Variants in PRKAR1B observed in about 807,000 individuals in gnomAD.
PRKAR1B encodes the protein cAMP-dependent protein kinase type I-beta regulatory subunit.
A neutral mutation model predicts 46.5 loss-of-function variants in PRKAR1B; 22 were observed. The observed-to-expected ratio is 0.47, with a 90% CI of 0.34 to 0.68. The LOEUF is 0.68. PRKAR1B is among the 30% of genes least tolerant of loss of function. The pLI, the probability that PRKAR1B is intolerant of heterozygous loss-of-function variation, is 0.01. For synonymous variants in PRKAR1B, 259 were observed against 217.7 expected (o/e 1.19, Z -1.67); for missense variants, 445 against 535.6 (o/e 0.83, Z 1.67).
At chr7:682,979 G>A (rs1368145117) in intron 2 of PRKAR1B, among the ~76,000 whole-genome samples, 10 of 152,112 alleles carry the variant, frequency 6.6e-5, no homozygotes, top group South Asian at 4.1e-4. Flanking sequence ...CTTTCCTGCC[G>A]GTCCTCTGAG....
At chr7:637,290 A>C (rs1784166522) in intron 4 of PRKAR1B, among the ~76,000 whole-genome samples, 2 of 152,036 alleles carry the variant, frequency 1.3e-5, no homozygotes, top group African/African-American at 4.8e-5. Flanking sequence ...ATGGTGGCGC[A>C]CCTGTAATCC....
rs995484363 is a variant in PRKAR1B, at chr7:658,161, C to T, written c.440+19068G>A. On this transcript the variant is annotated intron_variant, in intron 4 of 10. Coordinates refer to ENST00000537384, the MANE Select transcript of PRKAR1B (RefSeq NM_001164760.2). ...CAAAAATTAGCAACTTGGCGGGGTC[C>T]GGTGGCTCACACCTGTAATCCCAGC... Among the ~76,000 whole-genome samples, 6 of 152,190 alleles carry T rather than the reference C, an allele frequency of 3.9e-5. No homozygotes were observed. The East Asian group carries it at 5.8e-4, about 15-fold the overall frequency.
At chr7:621,498 C>T (rs780080813) in intron 4 of PRKAR1B, among the ~76,000 whole-genome samples, 3 of 152,208 alleles carry the variant, frequency 2.0e-5, no homozygotes, top group Non-Finnish European at 4.4e-5. Context: ...TCAGCTCACC[C>T]CCACTTTGGA....
chr7:665,161 C>G (rs1785833796), intron 4 of PRKAR1B, among the ~76,000 whole-genome samples: 1 of 152,220 alleles, frequency 6.6e-6, no homozygotes, highest in South Asian at 2.1e-4. Flanking sequence ...GGCCACGAGA[C>G]TTGTTATTAG....
chr7:627,987 A>G (rs1169882178), intron 4 of PRKAR1B, among the ~76,000 whole-genome samples: 2 of 151,006 alleles, frequency 1.3e-5, no homozygotes, highest in South Asian at 2.1e-4. Flanking sequence ...TCTGACTGTC[A>G]CTCACGGAAC....
At chr7:712,170 C>T (rs554522209) in intron 1 of PRKAR1B, among the ~76,000 whole-genome samples, 2 of 150,654 alleles carry the variant, frequency 1.3e-5, no homozygotes, top group Non-Finnish European at 3.0e-5. Flanking sequence ...CCCCCCGCCA[C>T]GCCGCCCCCG....
chr7:662,913 C>A (rs1237769630), intron 4 of PRKAR1B, among the ~76,000 whole-genome samples: 1 of 152,226 alleles, frequency 6.6e-6, no homozygotes, highest in East Asian at 1.9e-4. Context: ...GAAGCACCAC[C>A]CTGTTCATCA....
At chr7:717,591 G>A (rs1334142642) in intron 1 of PRKAR1B, among the ~76,000 whole-genome samples, 3 of 152,030 alleles carry the variant, frequency 2.0e-5, no homozygotes, top group Non-Finnish European at 4.4e-5. Flanking sequence ...ACAAGAGTTC[G>A]AGGCTGCAGT....
intron 4 of PRKAR1B, among the ~76,000 whole-genome samples, chr7:630,244 G>C (rs949400960): frequency 5.3e-5 from 8 of 152,226 alleles, no homozygotes; most frequent in African/African-American, 1.9e-4. Context: ...GAAGGTGACC[G>C]TGGCTCCTAG....
intron 4 of PRKAR1B, among the ~76,000 whole-genome samples, chr7:611,738 A>G (rs754759838): frequency 1.5e-4 from 23 of 152,054 alleles, no homozygotes; most frequent in Admixed American, 2.6e-4. Flanking sequence ...GAATGGACAC[A>G]TGGATGTACA....
chr7:585,436 C>T (rs992954914), intron 7 of PRKAR1B, among the ~76,000 whole-genome samples: 3 of 152,174 alleles, frequency 2.0e-5, no homozygotes, highest in Non-Finnish European at 4.4e-5. Context: ...AGAGTCCACC[C>T]GGACAGCAGC....
intron 8 of PRKAR1B, among the ~76,000 whole-genome samples, chr7:581,325 A>AAG (rs1562535183): frequency 2.1e-5 from 3 of 146,052 alleles, no homozygotes; most frequent in African/African-American, 5.1e-5. Flanking sequence ...AAAAAAAAAA[A>AAG]GTCTGTACCA....
At chr7:630,741 GAGAC>G (rs1395209378) in intron 4 of PRKAR1B, among the ~76,000 whole-genome samples, 1 of 152,038 alleles carries the variant, frequency 6.6e-6, no homozygotes, top group Non-Finnish European at 1.5e-5. Context: ...CAGGACCAGG[GAGAC>G]AGACAGGGAT....
At chr7:664,868 C>T (rs549634773) in intron 4 of PRKAR1B, among the ~76,000 whole-genome samples, 2 of 152,200 alleles carry the variant, frequency 1.3e-5, no homozygotes, top group Middle Eastern at 3.4e-3. Context: ...GAGCCAAGAT[C>T]GTGCCACTAC....
chr7:723,359 G>C (rs114601781), intron 1 of PRKAR1B, among the ~76,000 whole-genome samples: 2,162 of 152,250 alleles, frequency 0.014, 34 homozygotes, highest in East Asian at 0.042. Context: ...TTCTGTCTGT[G>C]CCTGTTGGCT....
rs548683350 is a variant in PRKAR1B, at chr7:592,225, C to T, written c.708+3921G>A. Among the ~76,000 whole-genome samples, 14 of 152,362 alleles carry T rather than the reference C, an allele frequency of 9.2e-5. No homozygotes were observed. The East Asian group carries it at 9.6e-4, about 11-fold the overall frequency. On this transcript the variant is annotated intron_variant, in intron 7 of 10. Coordinates refer to ENST00000537384, the MANE Select transcript of PRKAR1B (RefSeq NM_001164760.2). ...CGTCCCGCCCGAGTGAGGGTGCACA[C>T]GGGCCCTCCCGGCTGCCGTGGCCTC...
At chr7:612,048 CGGAT>C (rs553779459) in intron 4 of PRKAR1B, among the ~76,000 whole-genome samples, 134 of 130,542 alleles carry the variant, frequency 1.0e-3, no homozygotes, top group African/African-American at 1.3e-3. Flanking sequence ...AGTAGAATAA[CGGAT>C]GGATGGATGG....
chr7:672,158 T>C (rs983700208), intron 4 of PRKAR1B, among the ~76,000 whole-genome samples: 1 of 139,422 alleles, frequency 7.2e-6, no homozygotes, highest in Non-Finnish European at 1.5e-5. Context: ...ACCGAATTTG[T>C]TTTTTTTTTT....
chr7:651,505 C>T (rs749520512), intron 4 of PRKAR1B, among the ~76,000 whole-genome samples: 3 of 151,828 alleles, frequency 2.0e-5, no homozygotes, highest in Non-Finnish European at 4.4e-5. Context: ...CCTGGGAAAC[C>T]CCCTGTCAGA....
Sources: gnomAD v4.1 joint callset for allele counts (sites outside exome capture counted in the v4.1 genomes callset) on GRCh38, gnomAD v4.1.1 for gene constraint, MANE v1.5 for transcripts, NCBI Gene and HGNC (gene_info 2026-07-23, HGNC 2026-07-21) for gene names.